CNNM1: variants seen among roughly 807,000 people sequenced by gnomAD.
The protein encoded by CNNM1 is metal transporter CNNM1.
Under a neutral mutation model 78.8 loss-of-function variants are expected in CNNM1, and 44 were observed. The observed-to-expected ratio is 0.56, with a 90% confidence interval of 0.44 to 0.72. The LOEUF (loss-of-function observed/expected upper bound fraction) is 0.72. CNNM1 is among the 30% of genes least tolerant of loss of function. The probability of loss-of-function intolerance (pLI) is 0.00; values close to 1 mark genes in which losing one functional copy is unlikely to be tolerated. For missense variants in CNNM1, 1,101 were observed against 1,292.2 expected, an observed-to-expected ratio of 0.85 and a Z score of 2.27; for synonymous variants, 584 against 581.5, an observed-to-expected ratio of 1.00 and a Z score of -0.06.
rs1334975262 is a variant in CNNM1, at chr10:99,393,765, C to G, written c.*2249C>G. On this transcript the variant is annotated 3_prime_UTR_variant, in exon 11 of 11. Transcript: ENST00000356713. ...CATAACTTTGTCCCCTCTTCCCCAA[C>G]AACCCAGAGCAGGTGTTGCAGACAG... 1 of 152,168 alleles carries G rather than the reference C, an allele frequency of 6.6e-6. No individual in the cohort carries two copies. Among genetic ancestry groups the G allele is most frequent in the East Asian group, 1.9e-4 (1 of 5,186 alleles). 9.4% of individuals were successfully genotyped at this position (152,168 alleles called of 1,614,324 possible). A position where few individuals can be genotyped will look rare whatever the true frequency, so the allele number is the denominator to read the frequency against.
In CNNM1 at chr10:99,330,041, G is replaced by A; in HGVS notation, c.654G>A (p.Leu218=). The change falls in exon 1 of 11, where the codon CTG becomes CTA. Residue 218 remains leucine, a synonymous_variant. Coordinates refer to ENST00000356713, the MANE Select transcript of CNNM1 (RefSeq NM_020348.3). ...RPRLYGPGGD[L]LPPAWLRALG... ...GGTTGTACGGCCCAGGCGGGGACCT[G>A]CTGCCCCCTGCGTGGCTGCGGGCGC... The A allele has an allele frequency of 4.0e-6, 6 of 1,501,726 alleles. No homozygotes were observed. The highest frequency in any genetic ancestry group is 5.3e-6 in the Non-Finnish European group (6 of 1,136,012). 93.0% of individuals were successfully genotyped at this position (1,501,726 alleles called of 1,614,324 possible).
At position 99,390,412 on chromosome 10, in the gene CNNM1, G is replaced by A. The variant is rs746362127; in HGVS notation, c.2776+5G>A. ...AGAAGCTGCTGAGAACCTTGAGTGA[G>A]TAGCTAGTTCTTCACCCAAATGAGA... On this transcript the variant is annotated splice_donor_5th_base_variant and intron_variant, in intron 10 of 10. Coordinates refer to ENST00000356713, the MANE Select transcript of CNNM1 (RefSeq NM_020348.3). The A allele has an allele frequency of 3.7e-6, 6 of 1,604,036 alleles. No individual in the cohort carries two copies. The South Asian group carries it at 6.7e-5, about 18-fold the overall frequency.
chr10:99,346,612 G>T (rs1034539892), intron 1 of CNNM1, among the ~76,000 whole-genome samples: 2 of 151,982 alleles, frequency 1.3e-5, no homozygotes, highest in Non-Finnish European at 1.5e-5. Context: ...ATTTCTAATT[G>T]CCACTGAACA....
intron 1 of CNNM1, among the ~76,000 whole-genome samples, chr10:99,332,589 C>T (rs1415024163): frequency 6.6e-6 from 1 of 152,086 alleles, no homozygotes; most frequent in African/African-American, 2.4e-5. Flanking sequence ...AATCTCACTA[C>T]TTTAACATCA....
chr10:99,360,087 T>C (rs544876193), intron 2 of CNNM1, among the ~76,000 whole-genome samples: 1 of 152,342 alleles, frequency 6.6e-6, no homozygotes, highest in Non-Finnish European at 1.5e-5. Context: ...AGACCCTGCC[T>C]GAGGCCCCCA....
intron 10 of CNNM1, 137 bp downstream of exon 10, chr10:99,390,544 C>T (rs954383110): frequency 1.0e-5 from 7 of 666,782 alleles, no homozygotes; most frequent in East Asian, 5.6e-5. Flanking sequence ...TGTGGAAATC[C>T]GCAGAAGGGG....
rs757790447 is a variant in CNNM1 at position 99,362,365 on chromosome 10, G to A, written c.1997G>A (p.Arg666His). ...APEHYLYQRN[R>H]PVDYFVLLLQ... Reference sequence around the variant, plus strand: ...GAACACTACCTCTACCAGCGCAACCGCCCTGTGGACTACTTTGTGCTGCTT... The same window carrying A: ...GAACACTACCTCTACCAGCGCAACCACCCTGTGGACTACTTTGTGCTGCTT... The change falls in exon 4 of 11, where the codon CGC becomes CAC. Residue 666 changes from arginine to histidine, a missense_variant. Physicochemically the swap from Arg to His is conservative, Grantham distance 29 (BLOSUM62 0). Transcript: ENST00000356713. 34 of 1,613,678 alleles carry A rather than the reference G, an allele frequency of 2.1e-5. No individual in the cohort carries two copies. The African/African-American group carries it at 2.3e-4, about 11-fold the overall frequency.
intron 7 of CNNM1, among the ~76,000 whole-genome samples, chr10:99,378,421 G>A (rs1347097138): frequency 6.6e-6 from 1 of 152,228 alleles, no homozygotes; most frequent in Non-Finnish European, 1.5e-5. Context: ...AATCACCAGG[G>A]TGGAAGAAGG....
chr10:99,334,378 C>T (rs529105088), intron 1 of CNNM1, among the ~76,000 whole-genome samples: 4 of 151,994 alleles, frequency 2.6e-5, no homozygotes, highest in Non-Finnish European at 5.9e-5. Flanking sequence ...TTTGGCTGGG[C>T]GCAGTGGCTC....
intron 1 of CNNM1, among the ~76,000 whole-genome samples, chr10:99,342,741 A>G (rs913637672): frequency 1.3e-5 from 2 of 152,064 alleles, no homozygotes; most frequent in African/African-American, 4.8e-5. Context: ...ATTCCAAAGG[A>G]GGCTTTCAAA....
chr10:99,330,818 C>G lies in CNNM1; in HGVS notation c.1431C>G (p.Asp477Glu). The G allele has an allele frequency of 6.2e-7, 1 of 1,614,170 alleles. No individual in the cohort carries two copies. The highest frequency in any genetic ancestry group is 8.5e-7 in the Non-Finnish European group (1 of 1,180,034). ...GTGACCAGCGGCACAACATTGTGGA[C>G]ATTTTATTTGTCAAGGACTTGGCCT... Reference protein sequence around the residue: ...YEGDQRHNIVDILFVKDLAFV... With the variant: ...YEGDQRHNIVEILFVKDLAFV... Residue 477 changes from aspartate to glutamate, a missense_variant, in exon 1 of 11, where the codon GAC (aspartate) becomes GAG (glutamate). Asp to Glu is a conservative substitution (Grantham distance 45). Coordinates refer to ENST00000356713, the MANE Select transcript of CNNM1 (RefSeq NM_020348.3).
chr10:99,390,779 C>A (rs1052605425), intron 10 of CNNM1, among the ~76,000 whole-genome samples: 3 of 152,230 alleles, frequency 2.0e-5, no homozygotes, highest in Non-Finnish European at 4.4e-5. Flanking sequence ...GCCCACAGGC[C>A]TCTAATATTT....
At chr10:99,370,074 G>A (rs1353735582) in intron 6 of CNNM1, among the ~76,000 whole-genome samples, 1 of 152,198 alleles carries the variant, frequency 6.6e-6, no homozygotes, top group African/African-American at 2.4e-5. Flanking sequence ...GTTAAAGGAA[G>A]GTTAATTCTA....
At chr10:99,387,576 G>C (rs1207066196) in intron 7 of CNNM1, among the ~76,000 whole-genome samples, 1 of 152,234 alleles carries the variant, frequency 6.6e-6, no homozygotes, top group Non-Finnish European at 1.5e-5. Flanking sequence ...GTCTCAGAAG[G>C]CTTGGCTCTT....
chr10:99,387,641 G>A (rs1358157727), intron 7 of CNNM1, among the ~76,000 whole-genome samples, 179 bp from the exon 8 acceptor site: 2 of 152,216 alleles, frequency 1.3e-5, no homozygotes, highest in East Asian at 1.9e-4. Flanking sequence ...GCAAAGGGCC[G>A]CCTCACTGTC....
At chr10:99,350,344 C>G (rs1412973266) in intron 1 of CNNM1, among the ~76,000 whole-genome samples, 12 of 152,208 alleles carry the variant, frequency 7.9e-5, no homozygotes, top group African/African-American at 2.7e-4. Flanking sequence ...TTCTCTATTT[C>G]CAAGCAATAT....
Position 99,360,934 on chromosome 10 carries a change from C to T in CNNM1, c.1817C>T (p.Ser606Leu), listed in dbSNP as rs1564949830. ...GACACGGAGATGCGGGTGAAGATCTCACCACAGCTTCTGCTAGCCACACAC... is the reference window on the plus strand; with the variant it reads ...GACACGGAGATGCGGGTGAAGATCTTACCACAGCTTCTGCTAGCCACACAC... Reference protein sequence around the residue: ...LSDTEMRVKISPQLLLATHRF... With the variant: ...LSDTEMRVKILPQLLLATHRF... The change falls in exon 3 of 11, where the codon TCA (serine) becomes TTA (leucine). Residue 606 changes from serine (S) to leucine (L), a missense_variant. By Grantham distance (145) the Ser-to-Leu change is moderately radical. Around this residue, in one of 3 missense-constraint regions of CNNM1, gnomAD observed 277 missense variants for 423.2 expected, o/e 0.65. Coordinates refer to ENST00000356713, the MANE Select transcript of CNNM1 (RefSeq NM_020348.3). 6.2e-7 allele frequency: 1 copy of T among 1,612,560 alleles called. No homozygotes were observed. Among genetic ancestry groups the T allele is most frequent in the Non-Finnish European group, 8.5e-7 (1 of 1,178,736 alleles).
chr10:99,350,066 C>T (rs7074815), intron 1 of CNNM1, among the ~76,000 whole-genome samples: 105,810 of 152,034 alleles, frequency 0.7, 37,148 homozygotes, highest in South Asian at 0.78. Context: ...ATCCTGATTC[C>T]GTAGGGCAGG....
chr10:99,358,933 T>C (rs1390593452), intron 2 of CNNM1, among the ~76,000 whole-genome samples: 1 of 137,876 alleles, frequency 7.3e-6, no homozygotes, highest in Non-Finnish European at 1.5e-5. Context: ...TGGGAGGTCC[T>C]GGCTGCAGTG....
Sources: allele counts gnomAD v4.1 joint callset (sites outside exome capture counted in the v4.1 genomes callset), GRCh38; gene constraint gnomAD v4.1.1; regional missense constraint gnomAD v4.1.1; transcripts MANE v1.5; gene names NCBI Gene and HGNC (gene_info 2026-07-23, HGNC 2026-07-21).